DOCK11: variants seen among roughly 807,000 people sequenced by gnomAD.
The protein encoded by DOCK11 is dedicator of cytokinesis 11, also known as dedicator of cytokinesis protein 11.
Under a neutral mutation model 169.1 loss-of-function variants are expected in DOCK11, and 70 were observed. That is an observed-to-expected ratio of 0.41 (90% confidence interval 0.34 to 0.51). The LOEUF (loss-of-function observed/expected upper bound fraction) is 0.51. Ranked by LOEUF, DOCK11 falls within the 20% of genes least tolerant of loss-of-function variation. The pLI is 0.10. For missense variants in DOCK11, 1,166 were observed against 1,538.8 expected (o/e 0.76, Z 4.05); for synonymous variants, 529 against 541.3 (o/e 0.98, Z 0.32).
At chrX:118,683,971 A>G (rs1400681594) in intron 52 of DOCK11, among the ~76,000 whole-genome samples, 2 of 112,195 alleles carry the variant, frequency 1.8e-5, no homozygotes, top group Non-Finnish European at 3.8e-5. Flanking sequence ...TCCTGTCATT[A>G]TGAAACATAT....
chrX:118,656,809 C>T (rs189713945), intron 44 of DOCK11, among the ~76,000 whole-genome samples: 29 of 111,236 alleles, frequency 2.6e-4, no homozygotes, highest in Middle Eastern at 4.6e-3. Flanking sequence ...GTGGCACACA[C>T]GTGTAATCCC....
chrX:118,601,421 CAAA>C (rs199813534), intron 23 of DOCK11, among the ~76,000 whole-genome samples: 42 of 53,995 alleles, frequency 7.8e-4, no homozygotes, highest in African/African-American at 1.9e-3. Flanking sequence ...GACCCTGTCT[CAAA>C]AAAAAAAAAA....
chrX:118,594,979 A>G (rs1373508383), intron 20 of DOCK11, among the ~76,000 whole-genome samples: 1 of 111,446 alleles, frequency 9.0e-6, no homozygotes, highest in Admixed American at 9.6e-5. Context: ...TAGGAGGGGG[A>G]TCATAGGATG....
In DOCK11 at chrX:118,566,008, C is replaced by T. The variant is rs763088906; in HGVS notation, c.697C>T (p.Pro233Ser). ...LDACIDVVQC[P>S]KMRRHAFELK... ...ACATACTTTTTCTCCCCTCTAGTGC[C>T]CCAAAATGCGCCGTCATGCTTTTGA... Residue 233 changes from proline to serine, a missense_variant, in exon 8 of 53, where the codon CCC (proline) becomes TCC (serine). By Grantham distance (74) the Pro-to-Ser change is moderately conservative. Transcript: ENST00000276202. 8.3e-7 allele frequency: 1 copy of T among 1,210,097 alleles called. No homozygotes were observed. The highest frequency in any genetic ancestry group is 3.0e-5 in the East Asian group (1 of 33,800).
chrX:118,544,317 G>A (rs1322429313), intron 4 of DOCK11, among the ~76,000 whole-genome samples: 2 of 111,449 alleles, frequency 1.8e-5, no homozygotes, highest in African/African-American at 6.5e-5. Flanking sequence ...GACTGTTGGG[G>A]CTCAAATCTT....
chrX:118,515,654 T>C (rs183404652), intron 1 of DOCK11, among the ~76,000 whole-genome samples: 21 of 110,796 alleles, frequency 1.9e-4, no homozygotes, highest in African/African-American at 5.9e-4. Flanking sequence ...TCTTAGGTTT[T>C]AGAGAGGATT....
chrX:118,565,127 G>A (rs2013040755), intron 7 of DOCK11, among the ~76,000 whole-genome samples: 1 of 109,146 alleles, frequency 9.2e-6, no homozygotes. Context: ...TTTTTGTAGA[G>A]ATGAGGTTTC....
chrX:118,660,143 A>G (rs1308670884), intron 44 of DOCK11, among the ~76,000 whole-genome samples: 1 of 111,769 alleles, frequency 8.9e-6, no homozygotes, highest in Non-Finnish European at 1.9e-5. Context: ...CTAATGCGCT[A>G]CTGCACAAAG....
At position 118,680,589 on chromosome X, in the gene DOCK11, A is replaced by G. The variant is rs370216814; in HGVS notation, c.5568A>G (p.Arg1856=). ...ELTERKTEFE[R]NHNISRFVFE... is the part of the protein sequence containing the mutation. The stretch of plus-strand genomic sequence containing the variant: ...CAGAAAGGAAGACCGAGTTTGAAAG[A>G]AATCATAATATCAGCAGATTTGTTT... The change falls in exon 49 of 53, where the codon AGA becomes AGG. Residue 1856 remains arginine (R), a synonymous_variant. Coordinates refer to ENST00000276202, the MANE Select transcript of DOCK11 (RefSeq NM_144658.4). 3.6e-5 allele frequency: 43 copies of G among 1,209,397 alleles called. No individual in the cohort carries two copies. Among genetic ancestry groups the G allele is most frequent in the Non-Finnish European group, 4.6e-5 (41 of 894,528 alleles).
chrX:118,523,482 T>C (rs1401346736), intron 1 of DOCK11, among the ~76,000 whole-genome samples: 1 of 112,178 alleles, frequency 8.9e-6, no homozygotes, highest in Non-Finnish European at 1.9e-5. Flanking sequence ...GTTTGGTAGG[T>C]TGGTGATCTG....
Position 118,585,296 on chromosome X carries a change from A to G in DOCK11, c.1795+179A>G, listed in dbSNP as rs1041098769. The stretch of plus-strand genomic sequence containing the variant: ...AACATTTATTCTCTCACAGTTCCAG[A>G]GGCTAGAAGTCCAAAATTAAGGTGT... On this transcript the variant is annotated intron_variant, in intron 16 of 52. Coordinates refer to ENST00000276202, the MANE Select transcript of DOCK11 (RefSeq NM_144658.4). 2.0e-4 allele frequency among the ~76,000 whole-genome samples: 22 copies of G among 109,610 alleles called. 3 individuals carry two copies. In the Admixed American group the frequency reaches 2.1e-3, roughly 10 times the overall value.
intron 23 of DOCK11, among the ~76,000 whole-genome samples, chrX:118,603,287 A>G (rs1008318353): frequency 8.9e-6 from 1 of 112,778 alleles, no homozygotes; most frequent in Non-Finnish European, 1.9e-5. Flanking sequence ...CAGGCCGGGT[A>G]TGTCGTAGGC....
chrX:118,593,365 C>T (rs753751291), intron 20 of DOCK11, 28 bp downstream of exon 20: 1 of 1,173,486 alleles, frequency 8.5e-7, no homozygotes. Flanking sequence ...ATGTCTCTCT[C>T]TACAGTTATT....
chrX:118,593,393 G>A, intron 20 of DOCK11, 56 bp downstream of exon 20: 1 of 1,090,630 alleles, frequency 9.2e-7, no homozygotes, highest in Non-Finnish European at 1.2e-6. Context: ...GAACTGTCCA[G>A]GGTATAACCT....
At position 118,631,940 on chromosome X, in the gene DOCK11, G is replaced by A. The variant is rs758017501; in HGVS notation, c.3886+1450G>A. 1.2e-4 allele frequency among the ~76,000 whole-genome samples: 13 copies of A among 110,529 alleles called. 1 individual carries two copies. The highest frequency in any genetic ancestry group is 3.9e-4 in the African/African-American group (12 of 30,388). ...CAAGTCTCTGGTTGTTATTTTTAATGTCATGGGTAAAACCATGACTGTTTT... is the reference window on the plus strand; with the variant it reads ...CAAGTCTCTGGTTGTTATTTTTAATATCATGGGTAAAACCATGACTGTTTT... On this transcript the variant is annotated intron_variant, in intron 35 of 52. Transcript: ENST00000276202.
In DOCK11 at chrX:118,639,460, C is replaced by A. The variant is rs1402504637; in HGVS notation, c.4027C>A (p.His1343Asn). The change falls in exon 38 of 53, where the codon CAC becomes AAC. Residue 1343 changes from histidine to asparagine, a missense_variant. His to Asn is a moderately conservative substitution (Grantham distance 68). Coordinates refer to ENST00000276202, the MANE Select transcript of DOCK11 (RefSeq NM_144658.4). The part of the protein sequence containing the change: ...ARVHDAWLSK[H>N]FGIDRKSQTM... ...GGTGCATGATGCCTGGCTGTCAAAACACTTCGGAATAGACCGAAAATCGCA... is the reference window on the plus strand; with the variant it reads ...GGTGCATGATGCCTGGCTGTCAAAAAACTTCGGAATAGACCGAAAATCGCA... 1 of 1,208,792 alleles carries A rather than the reference C, an allele frequency of 8.3e-7. No individual in the cohort carries two copies. The highest frequency in any genetic ancestry group is 1.8e-5 in the African/African-American group (1 of 57,134).
In DOCK11 at chrX:118,573,836, T is replaced by C. The variant is rs1364117770; in HGVS notation, c.1207T>C (p.Phe403Leu). 5.0e-5 allele frequency: 61 copies of C among 1,208,047 alleles called. No individual in the cohort carries two copies. The highest frequency in any genetic ancestry group is 5.9e-5 in the Non-Finnish European group (53 of 894,184). The part of the protein sequence containing the change: ...VEPFFINLAL[F>L]DVKNNCKISA... ...GCCCTTTTTTATCAATCTTGCCTTA[T>C]TTGATGTAAAGAACAATTGTAAGAT... Residue 403 changes from phenylalanine to leucine, a missense_variant, in exon 12 of 53, where the codon TTT (phenylalanine) becomes CTT (leucine). By Grantham distance (22) the Phe-to-Leu change is conservative. Coordinates refer to ENST00000276202, the MANE Select transcript of DOCK11 (RefSeq NM_144658.4).
At chrX:118,647,003 A>G (rs2015688761) in intron 40 of DOCK11, among the ~76,000 whole-genome samples, 1 of 111,231 alleles carries the variant, frequency 9.0e-6, no homozygotes, top group African/African-American at 3.3e-5. Flanking sequence ...TTACCTGTAT[A>G]TTGTGTCTTC....
At chrX:118,580,475 C>A (rs1368414820) in intron 14 of DOCK11, among the ~76,000 whole-genome samples, 1 of 111,474 alleles carries the variant, frequency 9.0e-6, no homozygotes, top group Non-Finnish European at 1.9e-5. Context: ...CGCCACCACA[C>A]CTGGCTAATT....
Sources: allele counts gnomAD v4.1 joint callset (sites outside exome capture counted in the v4.1 genomes callset), GRCh38; gene constraint gnomAD v4.1.1; transcripts MANE v1.5; gene names NCBI Gene and HGNC (gene_info 2026-07-23, HGNC 2026-07-21).